LAPTM4B: variants seen among roughly 807,000 people sequenced by gnomAD.
LAPTM4B encodes the protein lysosomal-associated transmembrane protein 4B.
Under a neutral mutation model 28.5 loss-of-function variants are expected in LAPTM4B, and 26 were observed. That is an observed-to-expected ratio of 0.91 (90% CI 0.67 to 1.27). The LOEUF (loss-of-function observed/expected upper bound fraction) is 1.27. Among genes scored for constraint, LAPTM4B ranks in the 50% most tolerant of loss-of-function variants. LAPTM4B has a pLI of 0.00. For missense variants in LAPTM4B, 288 were observed against 285.8 expected (o/e 1.01, Z -0.06); for synonymous variants, 109 against 106.4 (o/e 1.02, Z -0.15).
At chr8:97,813,928 G>A (rs1339124497) in intron 2 of LAPTM4B, among the ~76,000 whole-genome samples, 7 of 152,066 alleles carry the variant, frequency 4.6e-5, no homozygotes, top group Non-Finnish European at 1.0e-4. Context: ...AAAACCAATA[G>A]TTTGGGGTTC....
chr8:97,806,492 A>G (rs1816756438), intron 2 of LAPTM4B, among the ~76,000 whole-genome samples: 1 of 152,202 alleles, frequency 6.6e-6, no homozygotes, highest in Admixed American at 6.5e-5. Context: ...CGGAGTCAGG[A>G]GGTGGGAACA....
intron 5 of LAPTM4B, among the ~76,000 whole-genome samples, chr8:97,822,414 C>T (rs200463181): frequency 9.5e-5 from 4 of 42,100 alleles, no homozygotes; most frequent in Admixed American, 4.2e-4. Context: ...TCACAATTAT[C>T]TTTAAAAAGA....
chr8:97,816,330 T>C, intron 4 of LAPTM4B, 150 bp downstream of exon 4: 1 of 801,480 alleles, frequency 1.2e-6, no homozygotes, highest in Non-Finnish European at 1.9e-6. Context: ...TTTCTTTTTT[T>C]TGAGGTGGAG....
At chr8:97,796,504 C>T (rs1441838831) in intron 1 of LAPTM4B, among the ~76,000 whole-genome samples, 1 of 152,126 alleles carries the variant, frequency 6.6e-6, no homozygotes, top group Non-Finnish European at 1.5e-5. Flanking sequence ...TGATCATTGT[C>T]TTAGCATGTT....
intron 6 of LAPTM4B, among the ~76,000 whole-genome samples, chr8:97,848,961 GA>G (rs1817471359): frequency 6.6e-6 from 1 of 152,094 alleles, no homozygotes; most frequent in South Asian, 2.1e-4. Context: ...GACACTTTTG[GA>G]ATTGCTAGTG....
chr8:97,825,354 A>G (rs1353829151), intron 6 of LAPTM4B, among the ~76,000 whole-genome samples: 1 of 152,240 alleles, frequency 6.6e-6, no homozygotes, highest in Non-Finnish European at 1.5e-5. Flanking sequence ...CTTACAGGAT[A>G]TTAAAATGTA....
At chr8:97,800,045 C>G (rs533136542) in intron 1 of LAPTM4B, among the ~76,000 whole-genome samples, 1 of 152,188 alleles carries the variant, frequency 6.6e-6, no homozygotes, top group Non-Finnish European at 1.5e-5. Context: ...ATGATTCTTT[C>G]TCGGAGCTCT....
chr8:97,824,180 T>TTA (rs1034492840), intron 5 of LAPTM4B, among the ~76,000 whole-genome samples: 3 of 152,056 alleles, frequency 2.0e-5, no homozygotes, highest in Non-Finnish European at 4.4e-5. Flanking sequence ...TCGGTATATA[T>TTA]TATATATATA....
chr8:97,786,167 G>A (rs151032364), intron 1 of LAPTM4B, among the ~76,000 whole-genome samples: 17 of 152,234 alleles, frequency 1.1e-4, no homozygotes, highest in African/African-American at 4.1e-4. Flanking sequence ...TCTTAGTAGA[G>A]CTTTTGGAGA....
At chr8:97,830,692 G>A (rs534086509) in intron 6 of LAPTM4B, among the ~76,000 whole-genome samples, 2 of 152,312 alleles carry the variant, frequency 1.3e-5, no homozygotes, top group African/African-American at 4.8e-5. Context: ...ACCCAGTGGG[G>A]AAGGTTCTGT....
chr8:97,831,949 A>G (rs1233305574), intron 6 of LAPTM4B, among the ~76,000 whole-genome samples: 2 of 152,036 alleles, frequency 1.3e-5, no homozygotes, highest in Non-Finnish European at 2.9e-5. Context: ...TTGGTGGGAG[A>G]AACCCCCACG....
chr8:97,822,155 CTACCA>C (rs1456988968), intron 5 of LAPTM4B, among the ~76,000 whole-genome samples: 1 of 152,060 alleles, frequency 6.6e-6, no homozygotes. Context: ...CTAGGGCTGC[CTACCA>C]TCCAGGCTGC....
intron 1 of LAPTM4B, among the ~76,000 whole-genome samples, chr8:97,803,969 G>T (rs1022714023): frequency 6.6e-6 from 1 of 152,218 alleles, no homozygotes; most frequent in Non-Finnish European, 1.5e-5. Flanking sequence ...GGTAGGATAT[G>T]CCATTAGTTA....
intron 6 of LAPTM4B, among the ~76,000 whole-genome samples, chr8:97,850,489 T>TGTGTGTGTATGTGTGTGTGTG (rs1392987129): frequency 1.3e-5 from 2 of 151,144 alleles, no homozygotes; most frequent in African/African-American, 2.5e-5. Flanking sequence ...TGTGTGTGTG[T>TGTGTGTGTATGTGTGTGTGTG]TTGGGAGAGT....
At chr8:97,814,582 C>CT (rs1816874148) in intron 2 of LAPTM4B, among the ~76,000 whole-genome samples, 2 of 152,094 alleles carry the variant, frequency 1.3e-5, no homozygotes, top group South Asian at 4.2e-4. Flanking sequence ...GATGATATGG[C>CT]TGTCTTAGAG....
At chr8:97,790,782 C>A (rs757674785) in intron 1 of LAPTM4B, among the ~76,000 whole-genome samples, 6 of 152,194 alleles carry the variant, frequency 3.9e-5, no homozygotes, top group Admixed American at 1.3e-4. Context: ...CTCTATTGCC[C>A]AGGCTGGAGT....
rs762667625 is a variant in LAPTM4B, at chr8:97,775,961, G to C, written c.-49G>C. 5 of 1,481,168 alleles carry C rather than the reference G, an allele frequency of 3.4e-6. No homozygotes were observed. In the South Asian group the frequency reaches 3.8e-5, roughly 11 times the overall value. 91.8% of individuals were successfully genotyped at this position (1,481,168 alleles called of 1,614,324 possible). A position where few individuals can be genotyped will look rare whatever the true frequency, so the allele number is the denominator to read the frequency against. ...GCGGCGGGCTCCAGGCGAGGCGGTC[G>C]ACGCTCCTGAAAACTTGCGCGCGCG... On this transcript the variant is annotated 5_prime_UTR_variant, in exon 1 of 7. Transcript: ENST00000521545.
chr8:97,843,225 G>A (rs1586346555), intron 6 of LAPTM4B, among the ~76,000 whole-genome samples: 2 of 152,072 alleles, frequency 1.3e-5, no homozygotes, highest in South Asian at 2.1e-4. Flanking sequence ...CGGGCCATCC[G>A]AGACCATCCT....
intron 6 of LAPTM4B, among the ~76,000 whole-genome samples, chr8:97,841,718 G>T (rs770157856): frequency 1.3e-4 from 20 of 151,996 alleles, no homozygotes; most frequent in Non-Finnish European, 2.5e-4. Context: ...ACTCACAGAG[G>T]TTCATAATTC....
Sources: gnomAD v4.1 joint callset for allele counts (sites outside exome capture counted in the v4.1 genomes callset) on GRCh38, gnomAD v4.1.1 for gene constraint, MANE v1.5 for transcripts, NCBI Gene and HGNC (gene_info 2026-07-23, HGNC 2026-07-21) for gene names.